The following CACNA2D4 variants were observed in gnomAD, a reference collection of about 807,000 sequenced individuals.
The protein encoded by CACNA2D4 is voltage-dependent calcium channel subunit alpha-2/delta-4.
A neutral mutation model predicts 163.8 loss-of-function variants in CACNA2D4; 157 were observed. That is an observed-to-expected ratio of 0.96 (90% CI 0.84 to 1.09). The LOEUF is 1.09. CACNA2D4 is among the 50% of genes least tolerant of loss of function. The pLI, the probability that CACNA2D4 is intolerant of heterozygous loss-of-function variation, is 0.00. For missense variants in CACNA2D4, 1,410 were observed against 1,479.9 expected, an observed-to-expected ratio of 0.95 and a Z score of 0.78; for synonymous variants, 598 against 586.9, an observed-to-expected ratio of 1.02 and a Z score of -0.27.
intron 11 of CACNA2D4, 79 bp from the exon 12 acceptor site, chr12:1,884,400 A>G: frequency 1.7e-6 from 2 of 1,183,760 alleles, no homozygotes; most frequent in Non-Finnish European, 2.5e-6. Context: ...TATGAGTCTT[A>G]GATGTTGGCC....
At chr12:1,824,800 G>A (rs891769058) in intron 26 of CACNA2D4, among the ~76,000 whole-genome samples, 1 of 152,210 alleles carries the variant, frequency 6.6e-6, no homozygotes, top group Non-Finnish European at 1.5e-5. Context: ...TTGGTAGGCA[G>A]AGGCTAAGGA....
chr12:1,834,921 C>T lies in CACNA2D4; in HGVS notation c.2551+5818G>A. 1.1e-6 allele frequency: 1 copy of T among 935,342 alleles called. No homozygotes were observed. The highest frequency in any genetic ancestry group is 1.5e-6 in the Non-Finnish European group (1 of 650,600). The allele number at this position is 935,342 out of a possible 1,614,324, so 57.9% of individuals were successfully genotyped here. Reference sequence around the variant, plus strand: ...AAAGCCACCGTGCTGGGGGCTCCTGCTGATGCTCCTGTCTGGGCCAGTAAA... The same window carrying T: ...AAAGCCACCGTGCTGGGGGCTCCTGTTGATGCTCCTGTCTGGGCCAGTAAA... On this transcript the variant is annotated intron_variant, in intron 26 of 37. Transcript: ENST00000382722. The surrounding 1 kb of genome is among the most constrained non-coding windows in gnomAD (Gnocchi z 7.6).
At chr12:1,893,517 CA>C (rs1471450812) in intron 6 of CACNA2D4, among the ~76,000 whole-genome samples, 2 of 151,650 alleles carry the variant, frequency 1.3e-5, no homozygotes, top group South Asian at 2.1e-4. Flanking sequence ...AACTCCATCT[CA>C]AAAAAATATA....
intron 26 of CACNA2D4, among the ~76,000 whole-genome samples, chr12:1,814,796 T>G (rs1172969853): frequency 1.3e-5 from 2 of 152,260 alleles, no homozygotes; most frequent in Non-Finnish European, 2.9e-5. Context: ...TGCCTCTCTC[T>G]GATCCATTCT....
intron 25 of CACNA2D4, among the ~76,000 whole-genome samples, chr12:1,842,557 G>GC (rs1865049762): frequency 6.6e-6 from 1 of 152,272 alleles, no homozygotes; most frequent in South Asian, 2.1e-4. Context: ...TCCTCACCAG[G>GC]CCCCCTTTTT....
At chr12:1,808,916 GA>G (rs1300868804) in intron 29 of CACNA2D4, among the ~76,000 whole-genome samples, 2 of 152,226 alleles carry the variant, frequency 1.3e-5, no homozygotes, top group Non-Finnish European at 2.9e-5. Flanking sequence ...ATGAAAGGGA[GA>G]AGGGGGAGGG....
At chr12:1,836,909 T>C (rs1864880540) in intron 26 of CACNA2D4, among the ~76,000 whole-genome samples, 1 of 152,138 alleles carries the variant, frequency 6.6e-6, no homozygotes, top group Non-Finnish European at 1.5e-5. Context: ...GGGCCAGGGC[T>C]GGGGCACCGC....
chr12:1,906,624 A>G (rs1462275677), intron 6 of CACNA2D4, among the ~76,000 whole-genome samples: 1 of 152,196 alleles, frequency 6.6e-6, no homozygotes, highest in Non-Finnish European at 1.5e-5. Context: ...CCTGGAGTAG[A>G]CAAGAGGGGC....
chr12:1,866,258 A>G (rs1049012731), intron 18 of CACNA2D4, among the ~76,000 whole-genome samples: 1 of 152,118 alleles, frequency 6.6e-6, no homozygotes, highest in Non-Finnish European at 1.5e-5. Flanking sequence ...TATTCTGTTA[A>G]TGTAATAAAT....
In CACNA2D4 at chr12:1,846,498, G is replaced by T. The variant is rs7137553; in HGVS notation, c.2342+96C>A. Reference sequence around the variant, plus strand: ...CAGGGGTCCAGCATGCTGGAGACCCGGTGCCAGTCCACCCATGGCCCAGGA... The same window carrying T: ...CAGGGGTCCAGCATGCTGGAGACCCTGTGCCAGTCCACCCATGGCCCAGGA... On this transcript the variant is annotated intron_variant, in intron 24 of 37. Transcript: ENST00000382722. 0.77 allele frequency: 755,256 copies of T among 980,038 alleles called. 293,198 individuals are homozygous for T. Among genetic ancestry groups the T allele is most frequent in the Non-Finnish European group, 0.79 (514,725 of 651,160 alleles). 60.7% of individuals were successfully genotyped at this position (980,038 alleles called of 1,614,324 possible).
Position 1,917,884 on chromosome 12 carries a change from G to A in CACNA2D4, c.227+363C>T, listed in dbSNP as rs953898434. The A allele has an allele frequency of 4.4e-5, 10 of 227,412 alleles. No homozygotes were observed. Among genetic ancestry groups the A allele is most frequent in the African/African-American group, 1.9e-4 (8 of 42,542 alleles). The allele number at this position is 227,412 out of a possible 1,614,324, so 14.1% of individuals were successfully genotyped here. A position where few individuals can be genotyped will look rare whatever the true frequency, so the allele number is the denominator to read the frequency against. On this transcript the variant is annotated intron_variant, in intron 1 of 37. Coordinates refer to ENST00000382722, the MANE Select transcript of CACNA2D4 (RefSeq NM_172364.5). This position sits in a 1 kb window ranked among gnomAD's most constrained non-coding sequence, Gnocchi z 4.3. ...GGGAGCTGCGATGCTGAGATAACCC[G>A]GCTCCTCCAGGCTGCCTCATCTCAG...
chr12:1,909,864 C>G, intron 4 of CACNA2D4, 42 bp downstream of exon 4: 1 of 1,585,004 alleles, frequency 6.3e-7, no homozygotes, highest in South Asian at 1.1e-5. Context: ...GGTACTCAGG[C>G]GATCCTGGCC....
chr12:1,842,675 G>T (rs1865054411), intron 25 of CACNA2D4, among the ~76,000 whole-genome samples: 1 of 149,990 alleles, frequency 6.7e-6, no homozygotes, highest in African/African-American at 2.5e-5. Context: ...CTCAGTCCTG[G>T]TGAATGCGGG....
intron 26 of CACNA2D4, among the ~76,000 whole-genome samples, chr12:1,817,896 C>T (rs1214323224): frequency 4.6e-5 from 7 of 152,004 alleles, no homozygotes; most frequent in Admixed American, 2.6e-4. Flanking sequence ...AGCCTCTGCC[C>T]GGCCACCACC....
rs1028296498 is a variant in CACNA2D4 at position 1,846,703 on chromosome 12, A to G, written c.2247-14T>C. The G allele has an allele frequency of 3.2e-5, 51 of 1,581,298 alleles. No homozygotes were observed. Among genetic ancestry groups the G allele is most frequent in the Admixed American group, 5.3e-5 (3 of 56,564 alleles). On this transcript the variant is annotated splice_polypyrimidine_tract_variant and intron_variant, in intron 23 of 37. Transcript: ENST00000382722. ...TGTTCAGACTCCCTGTGTGGCAGACAGAGCGGGAATGGTCACCACATGGCT... is the reference window on the plus strand; with the variant it reads ...TGTTCAGACTCCCTGTGTGGCAGACGGAGCGGGAATGGTCACCACATGGCT...
rs1592646680 is a variant in CACNA2D4, at chr12:1,798,405, G to A, written c.2996-870C>T. On this transcript the variant is annotated intron_variant, in intron 34 of 37. Coordinates refer to ENST00000382722, the MANE Select transcript of CACNA2D4 (RefSeq NM_172364.5). This position sits in a 1 kb window ranked among gnomAD's most constrained non-coding sequence, Gnocchi z 4.3. ...TGCAGAGTCCTACAGGAGAGCATGG[G>A]TCTCCCCAGCTTCCAAATCCAGAAG... 6.6e-6 allele frequency among the ~76,000 whole-genome samples: 1 copy of A among 152,142 alleles called. No homozygotes were observed. The highest frequency in any genetic ancestry group is 1.9e-4 in the East Asian group (1 of 5,176).
chr12:1,861,798 C>G (rs914020604), intron 18 of CACNA2D4, among the ~76,000 whole-genome samples: 5 of 151,718 alleles, frequency 3.3e-5, no homozygotes, highest in Admixed American at 3.3e-4. Context: ...CATGTATTAC[C>G]TAATTAGCTT....
rs757053645 is a variant in CACNA2D4 at position 1,797,566 on chromosome 12, G to C, written c.2996-31C>G. On this transcript the variant is annotated intron_variant, in intron 34 of 37. Coordinates refer to ENST00000382722, the MANE Select transcript of CACNA2D4 (RefSeq NM_172364.5). ...GGCGGAGAAAGGACATCACGCCACC[G>C]AAGGGGCCTCTGGCCTGCGGTGACC... The C allele has an allele frequency of 5.3e-6, 8 of 1,510,990 alleles. No homozygotes were observed. In the African/African-American group the frequency reaches 9.7e-5, roughly 18 times the overall value. 93.6% of individuals were successfully genotyped at this position (1,510,990 alleles called of 1,614,324 possible).
At position 1,879,881 on chromosome 12, in the gene CACNA2D4, G is replaced by A; in HGVS notation, c.1486C>T (p.Leu496Phe). ...IWTEAYMDSK[L>F]LSSQAQSLTL... is the part of the protein sequence containing the mutation. ...AGGCTCTGAGCCTGCGAGCTGAGGA[G>A]CTGTAAGGGAGGGGAGAACAGGGGT... The change falls in exon 14 of 38, where the codon CTC becomes TTC. Residue 496 changes from leucine (L) to phenylalanine (F), a missense_variant and splice_region_variant. Physicochemically the swap from Leu to Phe is conservative, Grantham distance 22. Coordinates refer to ENST00000382722, the MANE Select transcript of CACNA2D4 (RefSeq NM_172364.5). 3.8e-6 allele frequency: 6 copies of A among 1,593,398 alleles called. No individual in the cohort carries two copies. The highest frequency in any genetic ancestry group is 5.1e-6 in the Non-Finnish European group (6 of 1,169,860).
Sources: gnomAD v4.1 joint callset for allele counts (sites outside exome capture counted in the v4.1 genomes callset) on GRCh38, gnomAD v4.1.1 for gene constraint, Gnocchi (gnomAD v3.1) non-coding constraint, MANE v1.5 for transcripts, NCBI Gene and HGNC (gene_info 2026-07-23, HGNC 2026-07-21) for gene names.